The following CDKN1B variants were observed in gnomAD, a reference collection of about 807,000 sequenced individuals.
The protein encoded by CDKN1B is cyclin dependent kinase inhibitor 1B.
CDKN1B carries 7 observed loss-of-function variants against 17.1 expected under a neutral mutation model. The observed-to-expected ratio is 0.41, with a 90% CI of 0.23 to 0.77. CDKN1B has a LOEUF of 0.77. Ranked by LOEUF, CDKN1B falls within the 30% of genes least tolerant of loss-of-function variation. The probability of loss-of-function intolerance (pLI) is 0.33; values close to 1 mark genes in which losing one functional copy is unlikely to be tolerated. For missense variants in CDKN1B, 337 were observed against 262.0 expected, an observed-to-expected ratio of 1.29 and a Z score of -1.98; for synonymous variants, 149 against 104.3, an observed-to-expected ratio of 1.43 and a Z score of -2.61.
intron 1 of CDKN1B, 48 bp from the exon 2 acceptor site, chr12:12,718,777 T>C (rs1451292440): frequency 6.2e-7 from 1 of 1,611,920 alleles, no homozygotes; most frequent in Non-Finnish European, 8.5e-7. Flanking sequence ...CCATTGTTTT[T>C]TCTAATAAAG....
intron 1 of CDKN1B, 45 bp from the exon 2 acceptor site, chr12:12,718,780 T>C: frequency 6.2e-7 from 1 of 1,612,268 alleles, no homozygotes; most frequent in Non-Finnish European, 8.5e-7. Context: ...TTGTTTTTTC[T>C]AATAAAGATT....
chr12:12,721,521 G>C lies in CDKN1B; in HGVS notation c.*494G>C, dbSNP rs183142712. The C allele has an allele frequency of 5.5e-5, 12 of 217,738 alleles. No homozygotes were observed. The Admixed American group carries it at 6.4e-4, about 12-fold the overall frequency. The allele number at this position is 217,738 out of a possible 1,614,324, so 13.5% of individuals were successfully genotyped here. A position where few individuals can be genotyped will look rare whatever the true frequency, so the allele number is the denominator to read the frequency against. ...TCATTTAAAAAAATCACAAAAATTT[G>C]AACACTGGCTAAAGATAATTGCTAT... On this transcript the variant is annotated 3_prime_UTR_variant, in exon 3 of 3. Transcript: ENST00000228872.
At position 12,720,108 on chromosome 12, in the gene CDKN1B, G is replaced by A. The variant is rs886376723; in HGVS notation, c.*9-928G>A. Among the ~76,000 whole-genome samples the A allele has an allele frequency of 7.2e-5, 11 of 152,196 alleles. No individual in the cohort carries two copies. The South Asian group carries it at 1.9e-3, about 26-fold the overall frequency. On this transcript the variant is annotated intron_variant, in intron 2 of 2. Coordinates refer to ENST00000228872, the MANE Select transcript of CDKN1B (RefSeq NM_004064.5). ...ATCTTTTTCAGCGCTTATACAAAAC[G>A]GCACTATAGAACCTCCATTTTACAG...
rs745946721 is a variant in CDKN1B, at chr12:12,721,172, C to T, written c.*145C>T. The T allele has an allele frequency of 1.7e-5, 13 of 773,250 alleles. No individual in the cohort carries two copies. Among genetic ancestry groups the T allele is most frequent in the Non-Finnish European group, 2.6e-5 (11 of 415,582 alleles). The allele number at this position is 773,250 out of a possible 1,614,324, so 47.9% of individuals were successfully genotyped here. Reference sequence around the variant, plus strand: ...CTGTATAAGCACTGAAAAACAACAACACAATAACACTAAAATTTTAGGCAC... The same window carrying T: ...CTGTATAAGCACTGAAAAACAACAATACAATAACACTAAAATTTTAGGCAC... On this transcript the variant is annotated 3_prime_UTR_variant, in exon 3 of 3. Transcript: ENST00000228872.
At chr12:12,719,850 C>A (rs1946524453) in intron 2 of CDKN1B, among the ~76,000 whole-genome samples, 1 of 152,150 alleles carries the variant, frequency 6.6e-6, no homozygotes, top group South Asian at 2.1e-4. Flanking sequence ...CCCAGATAAC[C>A]AACATGGGTT....
chr12:12,718,812 C>T lies in CDKN1B; in HGVS notation c.476-13C>T, dbSNP rs201069255. The T allele has an allele frequency of 2.8e-5, 45 of 1,613,972 alleles. No individual in the cohort carries two copies. In the East Asian group the frequency reaches 8.2e-4, roughly 30 times the overall value. The stretch of plus-strand genomic sequence containing the variant: ...GATTGTGTGTTCTTTTTAAAAATTT[C>T]CCCTGCGCTTAGATTCTTCTACTCA... On this transcript the variant is annotated splice_polypyrimidine_tract_variant and intron_variant, in intron 1 of 2. Coordinates refer to ENST00000228872, the MANE Select transcript of CDKN1B (RefSeq NM_004064.5).
rs756740369 is a variant in CDKN1B, at chr12:12,718,175, C to T, written c.336C>T (p.Ser112=). The change falls in exon 1 of 3, where the codon AGC becomes AGT. Residue 112 remains serine (S), a synonymous_variant. Coordinates refer to ENST00000228872, the MANE Select transcript of CDKN1B (RefSeq NM_004064.5). ...PAQESQDVSG[S]RPAAPLIGAP... ...AGGAGAGCCAGGATGTCAGCGGGAG[C>T]CGCCCGGCGGCGCCTTTAATTGGGG... 1 of 1,613,186 alleles carries T rather than the reference C, an allele frequency of 6.2e-7. No homozygotes were observed.
Position 12,717,682 on chromosome 12 carries a change from G to C in CDKN1B, c.-158G>C. 6.6e-7 allele frequency: 1 copy of C among 1,526,366 alleles called. No homozygotes were observed. Among genetic ancestry groups the C allele is most frequent in the Non-Finnish European group, 8.7e-7 (1 of 1,144,254 alleles). 94.6% of individuals were successfully genotyped at this position (1,526,366 alleles called of 1,614,324 possible). A position where few individuals can be genotyped will look rare whatever the true frequency, so the allele number is the denominator to read the frequency against. ...TCCCCGCAGCCCCTGCGCGCTCCTAGAGCTCGGGCCGTGGCTCGTCGGGGT... is the reference window on the plus strand; with the variant it reads ...TCCCCGCAGCCCCTGCGCGCTCCTACAGCTCGGGCCGTGGCTCGTCGGGGT... On this transcript the variant is annotated 5_prime_UTR_variant, in exon 1 of 3. Transcript: ENST00000228872.
chr12:12,719,133 T>C (rs1946517304), intron 2 of CDKN1B, 179 bp downstream of exon 2: 10 of 699,732 alleles, frequency 1.4e-5, no homozygotes, highest in Non-Finnish European at 2.4e-5. Context: ...TCAGAGTTTC[T>C]ATGCCCAGAG....
intron 1 of CDKN1B, 86 bp downstream of exon 1, chr12:12,718,400 T>A: frequency 8.1e-7 from 1 of 1,229,794 alleles, no homozygotes; most frequent in South Asian, 1.3e-5. Context: ...CTTTTCGGCG[T>A]ATTCTGATTT....
intron 1 of CDKN1B, among the ~76,000 whole-genome samples, 176 bp from the exon 2 acceptor site, chr12:12,718,649 G>GT (rs1032162162): frequency 6.6e-6 from 1 of 152,120 alleles, no homozygotes; most frequent in Non-Finnish European, 1.5e-5. Context: ...TGCACTTTCT[G>GT]TTTTTTGAAA....
intron 1 of CDKN1B, among the ~76,000 whole-genome samples, chr12:12,718,610 G>A (rs1946506549): frequency 6.6e-6 from 1 of 152,138 alleles, no homozygotes; most frequent in Non-Finnish European, 1.5e-5. Flanking sequence ...TCCGCCTCCT[G>A]GCTAGGGAAA....
Position 12,721,327 on chromosome 12 carries a change from G to T in CDKN1B, c.*300G>T. ...TGTAGCACATAAACTTTGGGGAAGG[G>T]AGGGCAGGGTGGGGCTGAGGAACTG... On this transcript the variant is annotated 3_prime_UTR_variant, in exon 3 of 3. Transcript: ENST00000228872. 2.7e-6 allele frequency: 1 copy of T among 364,678 alleles called. No individual in the cohort carries two copies. The highest frequency in any genetic ancestry group is 5.2e-6 in the Non-Finnish European group (1 of 192,490). 22.6% of individuals were successfully genotyped at this position (364,678 alleles called of 1,614,324 possible). A position where few individuals can be genotyped will look rare whatever the true frequency, so the allele number is the denominator to read the frequency against.
chr12:12,718,939 A>T lies in CDKN1B; in HGVS notation c.590A>T (p.Gln197Leu). 1.2e-6 allele frequency: 2 copies of T among 1,614,044 alleles called. No individual in the cohort carries two copies. The highest frequency in any genetic ancestry group is 1.7e-6 in the Non-Finnish European group (2 of 1,180,036). Residue 197 changes from glutamine (Q) to leucine (L), a missense_variant, in exon 2 of 3, where the codon CAA becomes CTA. Coordinates refer to ENST00000228872, the MANE Select transcript of CDKN1B (RefSeq NM_004064.5). ...AAGAAGCCTGGCCTCAGAAGACGTC[A>T]AACGTAAACAGCTCGGTGGGTTGAT... ...TPKKPGLRRRQT is the reference protein window; with the variant it reads ...TPKKPGLRRRLT
At position 12,717,769 on chromosome 12, in the gene CDKN1B, G is replaced by A. The variant is rs1299641036; in HGVS notation, c.-71G>A. 6 of 1,604,354 alleles carry A rather than the reference G, an allele frequency of 3.7e-6. No homozygotes were observed. Among genetic ancestry groups the A allele is most frequent in the Non-Finnish European group, 5.1e-6 (6 of 1,179,592 alleles). On this transcript the variant is annotated 5_prime_UTR_variant, in exon 1 of 3. Coordinates refer to ENST00000228872, the MANE Select transcript of CDKN1B (RefSeq NM_004064.5). ...CCGAGAGGGGTTCGGGCTGCGTAGG[G>A]GCGCTTTGTTTTGTTCGGTTTTGTT... is the stretch of plus-strand genomic sequence containing the variant.
In CDKN1B at chr12:12,722,098, T is replaced by C. The variant is rs1173157753; in HGVS notation, c.*1071T>C. The C allele has an allele frequency of 6.6e-6, 1 of 152,382 alleles. No individual in the cohort carries two copies. The highest frequency in any genetic ancestry group is 1.5e-5 in the Non-Finnish European group (1 of 68,048). 9.4% of individuals were successfully genotyped at this position (152,382 alleles called of 1,614,324 possible). The stretch of plus-strand genomic sequence containing the variant: ...AAAAACCATTTGAAGTGTACCTGTG[T>C]ACATAACTCTGTAAAAACACTGAAA... On this transcript the variant is annotated 3_prime_UTR_variant, in exon 3 of 3. Transcript: ENST00000228872.
At position 12,718,846 on chromosome 12, in the gene CDKN1B, G is replaced by A. The variant is rs1060500189; in HGVS notation, c.497G>A (p.Arg166Lys). 30 of 1,613,950 alleles carry A rather than the reference G, an allele frequency of 1.9e-5. No individual in the cohort carries two copies. Among genetic ancestry groups the A allele is most frequent in the Non-Finnish European group, 2.5e-5 (29 of 1,180,026 alleles). ...TTAGATTCTTCTACTCAAAACAAAA[G>A]AGCCAACAGAACAGAAGAAAATGTT... ...ATDDSSTQNKRANRTEENVSD... is the reference protein window; with the variant it reads ...ATDDSSTQNKKANRTEENVSD... Residue 166 changes from arginine to lysine, a missense_variant, in exon 2 of 3, where the codon AGA becomes AAA. Transcript: ENST00000228872.
In CDKN1B at chr12:12,721,068, C is replaced by T; in HGVS notation, c.*41C>T. The T allele has an allele frequency of 4.0e-6, 3 of 751,620 alleles. No homozygotes were observed. Among genetic ancestry groups the T allele is most frequent in the South Asian group, 2.9e-5 (2 of 68,520 alleles). The allele number at this position is 751,620 out of a possible 1,614,324, so 46.6% of individuals were successfully genotyped here. On this transcript the variant is annotated 3_prime_UTR_variant, in exon 3 of 3. Coordinates refer to ENST00000228872, the MANE Select transcript of CDKN1B (RefSeq NM_004064.5). ...AATATGTTTCCTTGTTTATCAGATA[C>T]ATCACTGCTTGATGAAGCAAGGAAG...
Position 12,721,396 on chromosome 12 carries a change from T to G in CDKN1B, c.*369T>G. 2.5e-6 allele frequency: 1 copy of G among 405,260 alleles called. No homozygotes were observed. The allele number at this position is 405,260 out of a possible 1,614,324, so 25.1% of individuals were successfully genotyped here. A position where few individuals can be genotyped will look rare whatever the true frequency, so the allele number is the denominator to read the frequency against. On this transcript the variant is annotated 3_prime_UTR_variant, in exon 3 of 3. Coordinates refer to ENST00000228872, the MANE Select transcript of CDKN1B (RefSeq NM_004064.5). Reference sequence around the variant, plus strand: ...AGAGCTTGCTTTGATTTACAGCAAGTAGATAAATATTTGACTTGCATGAAG... The same window carrying G: ...AGAGCTTGCTTTGATTTACAGCAAGGAGATAAATATTTGACTTGCATGAAG...
Sources: allele counts gnomAD v4.1 joint callset (sites outside exome capture counted in the v4.1 genomes callset), GRCh38; gene constraint gnomAD v4.1.1; transcripts MANE v1.5; gene names NCBI Gene and HGNC (gene_info 2026-07-23, HGNC 2026-07-21).